Variants in CFAP61 observed in about 807,000 individuals in gnomAD.
CFAP61 encodes cilia- and flagella-associated protein 61.
CFAP61 carries 107 observed loss-of-function variants against 135.6 expected under a neutral mutation model. That is an observed-to-expected ratio of 0.79 (90% CI 0.67 to 0.93). CFAP61 has a LOEUF of 0.93. CFAP61 is among the 40% of genes least tolerant of loss of function. The pLI, the probability that CFAP61 is intolerant of heterozygous loss-of-function variation, is 0.00. For synonymous variants in CFAP61, 575 were observed against 578.5 expected (o/e 0.99, Z 0.09); for missense variants, 1,507 against 1,556.2 (o/e 0.97, Z 0.53).
chr20:20,081,867 A>C (rs2046455541), intron 6 of CFAP61, among the ~76,000 whole-genome samples: 1 of 152,216 alleles, frequency 6.6e-6, no homozygotes, highest in Non-Finnish European at 1.5e-5. Context: ...CTTTGCAGTG[A>C]GGAAGGGATG....
chr20:20,245,530 C>A (rs964027940), intron 18 of CFAP61, among the ~76,000 whole-genome samples: 16 of 152,232 alleles, frequency 1.1e-4, no homozygotes, highest in African/African-American at 3.9e-4. Context: ...TTACCTCTCA[C>A]CAGGTCCCTC....
chr20:20,360,180 C>G (rs759731212), intron 26 of CFAP61, 30 bp from the exon 27 acceptor site: 1 of 1,553,958 alleles, frequency 6.4e-7, no homozygotes. Flanking sequence ...CAATTAATTT[C>G]TGTATCTGGC....
intron 25 of CFAP61, among the ~76,000 whole-genome samples, chr20:20,328,454 C>CAGCTCCTT (rs1204843220): frequency 6.6e-6 from 1 of 152,140 alleles, no homozygotes; most frequent in Non-Finnish European, 1.5e-5. Context: ...CAAAGAGGAA[C>CAGCTCCTT]AGCTCCTTGA....
chr20:20,245,388 G>T (rs145665732), intron 18 of CFAP61, among the ~76,000 whole-genome samples: 74 of 152,290 alleles, frequency 4.9e-4, no homozygotes, highest in Non-Finnish European at 7.1e-4. Flanking sequence ...AACAAGTCAC[G>T]TCTTATATGG....
At chr20:20,232,399 G>A (rs2146954066) in intron 18 of CFAP61, among the ~76,000 whole-genome samples, 1 of 151,732 alleles carries the variant, frequency 6.6e-6, no homozygotes, top group Non-Finnish European at 1.5e-5. Flanking sequence ...AAAAGAAGAA[G>A]AAGAAGAAGA....
chr20:20,240,688 C>G (rs1016811684), intron 18 of CFAP61, among the ~76,000 whole-genome samples: 3 of 152,102 alleles, frequency 2.0e-5, no homozygotes, highest in Non-Finnish European at 4.4e-5. Flanking sequence ...AGTATTCATT[C>G]TGCACTTGGT....
chr20:20,063,683 G>A (rs2045000160), intron 2 of CFAP61, among the ~76,000 whole-genome samples: 1 of 152,172 alleles, frequency 6.6e-6, no homozygotes, highest in Non-Finnish European at 1.5e-5. Flanking sequence ...CTGTTGTCAT[G>A]AGATCCTAGC....
At chr20:20,194,758 A>G (rs2056167950) in intron 15 of CFAP61, among the ~76,000 whole-genome samples, 1 of 152,216 alleles carries the variant, frequency 6.6e-6, no homozygotes, top group Non-Finnish European at 1.5e-5. Context: ...ATGGAGTACC[A>G]GCCGGCAGGC....
intron 17 of CFAP61, among the ~76,000 whole-genome samples, chr20:20,201,543 G>T (rs1429481565): frequency 6.6e-6 from 1 of 152,202 alleles, no homozygotes; most frequent in Non-Finnish European, 1.5e-5. Flanking sequence ...CCACCATGTG[G>T]TCTGTTTGCA....
intron 24 of CFAP61, among the ~76,000 whole-genome samples, chr20:20,295,104 C>G (rs971405858): frequency 6.6e-6 from 1 of 152,118 alleles, no homozygotes; most frequent in Non-Finnish European, 1.5e-5. Context: ...CAGCCTGCAG[C>G]CTGCAGGGCT....
At chr20:20,333,466 G>A (rs1334521572) in intron 25 of CFAP61, among the ~76,000 whole-genome samples, 3 of 152,196 alleles carry the variant, frequency 2.0e-5, no homozygotes, top group Admixed American at 1.3e-4. Flanking sequence ...TCAGCAACAC[G>A]AATCTGAGCT....
At chr20:20,339,237 AGTT>A (rs1034137201) in intron 25 of CFAP61, among the ~76,000 whole-genome samples, 11 of 152,116 alleles carry the variant, frequency 7.2e-5, no homozygotes, top group African/African-American at 2.7e-4. Context: ...TGGGGGAAAA[AGTT>A]AATATTTTTT....
intron 15 of CFAP61, among the ~76,000 whole-genome samples, chr20:20,195,198 A>G (rs959057916): frequency 3.3e-5 from 5 of 152,184 alleles, no homozygotes; most frequent in Non-Finnish European, 7.3e-5. Context: ...CAGAAGCTGG[A>G]AAGGCAGGGG....
chr20:20,081,474 C>T (rs1204157505), intron 6 of CFAP61, among the ~76,000 whole-genome samples: 2 of 152,136 alleles, frequency 1.3e-5, no homozygotes, highest in Admixed American at 6.5e-5. Context: ...ATTCCCTATT[C>T]CTTTCACTTT....
At chr20:20,328,282 G>A (rs1272926768) in intron 25 of CFAP61, among the ~76,000 whole-genome samples, 2 of 152,088 alleles carry the variant, frequency 1.3e-5, no homozygotes, top group African/African-American at 4.8e-5. Flanking sequence ...GAGCTGTTAG[G>A]GAGACACAGC....
At chr20:20,297,437 A>C (rs761375077) in intron 24 of CFAP61, among the ~76,000 whole-genome samples, 2 of 152,164 alleles carry the variant, frequency 1.3e-5, no homozygotes, top group Non-Finnish European at 2.9e-5. Context: ...ATGTTTGTCT[A>C]CAGAAGCTTC....
At chr20:20,125,454 C>A (rs369285947) in intron 8 of CFAP61, among the ~76,000 whole-genome samples, 1 of 151,534 alleles carries the variant, frequency 6.6e-6, no homozygotes, top group Admixed American at 6.6e-5. Context: ...TTTAAATTTC[C>A]GTCTTGATTT....
chr20:20,176,890 AAAG>A (rs1269440047), intron 13 of CFAP61, among the ~76,000 whole-genome samples: 2 of 152,230 alleles, frequency 1.3e-5, no homozygotes, highest in African/African-American at 2.4e-5. Context: ...AATTTTTTAA[AAAG>A]AACTGTGATT....
chr20:20,169,296 G>T, intron 12 of CFAP61, 25 bp from the exon 13 acceptor site: 2 of 1,585,484 alleles, frequency 1.3e-6, no homozygotes, highest in Non-Finnish European at 1.7e-6. Flanking sequence ...TTCTTTCTCT[G>T]TGTCCTGGTT....
Sources: gnomAD v4.1 joint callset for allele counts (sites outside exome capture counted in the v4.1 genomes callset) on GRCh38, gnomAD v4.1.1 for gene constraint, MANE v1.5 for transcripts, NCBI Gene and HGNC (gene_info 2026-07-23, HGNC 2026-07-21) for gene names.